Variants in AKT3 observed in about 807,000 individuals in gnomAD.
AKT3 encodes the protein AKT serine/threonine kinase 3, also known as RAC-gamma serine/threonine-protein kinase.
In AKT3, 15 loss-of-function variants were observed where a neutral mutation model predicts 65.3. That is an observed-to-expected ratio of 0.23 (90% CI 0.15 to 0.35). The LOEUF is 0.35. Among genes scored for constraint, AKT3 ranks in the 10% least tolerant of loss-of-function variants. The pLI is 1.00. For missense variants in AKT3, 243 were observed against 576.5 expected (o/e 0.42, Z 5.92); for synonymous variants, 206 against 183.8 (o/e 1.12, Z -0.98).
Position 243,613,670 on chromosome 1 carries a change from C to A in AKT3, c.696+1G>T. 6.3e-7 allele frequency: 1 copy of A among 1,590,472 alleles called. No homozygotes were observed. The highest frequency in any genetic ancestry group is 1.2e-5 in the South Asian group (1 of 86,200). ...AATACTGGATTTACTTCTTGACTCA[C>A]CTCGCCCCCATTAACATATTCCATC... On this transcript the variant is annotated splice_donor_variant, in intron 8 of 13. Coordinates refer to ENST00000673466, the MANE Select transcript of AKT3 (RefSeq NM_005465.7). LOFTEE classifies it high-confidence loss of function.
chr1:243,805,512 T>C (rs920772144), intron 2 of AKT3, among the ~76,000 whole-genome samples: 1 of 152,232 alleles, frequency 6.6e-6, no homozygotes, highest in African/African-American at 2.4e-5. Context: ...ATGGTTTAAA[T>C]CTGGTATTTA....
chr1:243,497,202 T>G (rs1668149207), downstream of AKT3, among the ~76,000 whole-genome samples: 1 of 152,094 alleles, frequency 6.6e-6, no homozygotes, highest in African/African-American at 2.4e-5. Flanking sequence ...GGCTTCTGTC[T>G]CGGTCAGAGA....
At chr1:243,681,538 C>T (rs1218281648) in intron 3 of AKT3, among the ~76,000 whole-genome samples, 1 of 152,114 alleles carries the variant, frequency 6.6e-6, no homozygotes, top group Non-Finnish European at 1.5e-5. Context: ...TATATTTGTT[C>T]CTTTGCTCTA....
At chr1:243,508,265 C>T (rs960694229) in intron 13 of AKT3, among the ~76,000 whole-genome samples, 4 of 152,188 alleles carry the variant, frequency 2.6e-5, no homozygotes, top group African/African-American at 9.7e-5. Flanking sequence ...GCCCCGTTGC[C>T]CTAGAAGAAC....
intron 3 of AKT3, among the ~76,000 whole-genome samples, chr1:243,693,035 T>G (rs918941569): frequency 2.6e-4 from 40 of 151,146 alleles, no homozygotes; most frequent in Middle Eastern, 6.9e-3. Flanking sequence ...TTTTGAAAAA[T>G]TTAAATCAGG....
chr1:243,814,051 T>C (rs866711642), intron 2 of AKT3, among the ~76,000 whole-genome samples: 1 of 152,168 alleles, frequency 6.6e-6, no homozygotes, highest in South Asian at 2.1e-4. Flanking sequence ...CACCAAGCTT[T>C]GATCCACTCC....
chr1:243,572,753 A>G (rs981319745), intron 9 of AKT3, among the ~76,000 whole-genome samples, 173 bp downstream of exon 9: 2 of 152,200 alleles, frequency 1.3e-5, no homozygotes, highest in Non-Finnish European at 2.9e-5. Context: ...TCAACTACAT[A>G]CATGTTAGTG....
intron 2 of AKT3, among the ~76,000 whole-genome samples, chr1:243,841,837 TA>T (rs150252760): frequency 1.3e-4 from 19 of 150,118 alleles, no homozygotes; most frequent in Admixed American, 3.3e-4. Context: ...TACTCAACCA[TA>T]AAAAAAAAGC....
intron 1 of AKT3, among the ~76,000 whole-genome samples, chr1:243,847,254 G>C (rs1029189381): frequency 6.6e-6 from 1 of 152,110 alleles, no homozygotes; most frequent in African/African-American, 2.4e-5. Context: ...CTTGCATTTT[G>C]TTGCTCAAAT....
intron 12 of AKT3, among the ~76,000 whole-genome samples, chr1:243,534,720 T>C (rs567526965): frequency 6.6e-6 from 1 of 152,290 alleles, no homozygotes; most frequent in African/African-American, 2.4e-5. Context: ...CCAAAATACC[T>C]GTAGACTAAA....
At chr1:243,731,781 G>A (rs1396803057) in intron 2 of AKT3, among the ~76,000 whole-genome samples, 1 of 152,096 alleles carries the variant, frequency 6.6e-6, no homozygotes, top group Non-Finnish European at 1.5e-5. Flanking sequence ...GTGCAACCAT[G>A]GACCAATGTA....
chr1:243,608,477 G>A (rs890795526), intron 8 of AKT3, among the ~76,000 whole-genome samples: 2 of 152,004 alleles, frequency 1.3e-5, no homozygotes, highest in African/African-American at 2.4e-5. Flanking sequence ...CTCATCTTAG[G>A]GCAAAAACTT....
chr1:243,583,301 C>T (rs994824692), intron 8 of AKT3, among the ~76,000 whole-genome samples: 1 of 149,214 alleles, frequency 6.7e-6, no homozygotes, highest in Non-Finnish European at 1.5e-5. Context: ...ACTAGATCTA[C>T]AAAAAGACAT....
At chr1:243,791,316 A>C (rs1016709810) in intron 2 of AKT3, among the ~76,000 whole-genome samples, 1 of 151,852 alleles carries the variant, frequency 6.6e-6, no homozygotes. Context: ...TATTTTTGAC[A>C]CACAGTTGAT....
At chr1:243,607,525 ACC>A (rs1402632750) in intron 8 of AKT3, among the ~76,000 whole-genome samples, 1 of 152,082 alleles carries the variant, frequency 6.6e-6, no homozygotes, top group African/African-American at 2.4e-5. Context: ...CAATGCCTGT[ACC>A]CCCATTGTAT....
intron 2 of AKT3, among the ~76,000 whole-genome samples, chr1:243,699,465 C>CCATATATATATATATA (rs1389882625): frequency 9.7e-5 from 10 of 103,612 alleles, no homozygotes; most frequent in African/African-American, 4.4e-4. Flanking sequence ...ACCTCTTCCA[C>CCATATATATATATATA]TATATATATA....
At chr1:243,513,138 G>T (rs926463577) in intron 12 of AKT3, among the ~76,000 whole-genome samples, 1 of 152,190 alleles carries the variant, frequency 6.6e-6, no homozygotes, top group Non-Finnish European at 1.5e-5. Context: ...AGGGAAGGTG[G>T]GGGTGGAAGG....
rs1285426355 is a variant in AKT3, at chr1:243,543,337, T to C, written c.1251+2173A>G. Among the ~76,000 whole-genome samples, 89 of 152,182 alleles carry C rather than the reference T, an allele frequency of 5.8e-4. 1 individual carries two copies. The highest frequency in any genetic ancestry group is 5.9e-5 in the Non-Finnish European group (4 of 68,026). On this transcript the variant is annotated intron_variant, in intron 12 of 13. Coordinates refer to ENST00000673466, the MANE Select transcript of AKT3 (RefSeq NM_005465.7). The stretch of plus-strand genomic sequence containing the variant: ...GCTGAACACTGAGATAAGGAAACGT[T>C]GTAGCAAATCTTATTTCCTCACAGG...
At chr1:243,497,180 G>C (rs2148315117), downstream of AKT3, among the ~76,000 whole-genome samples, 1 of 152,272 alleles carries the variant, frequency 6.6e-6, no homozygotes, top group South Asian at 2.1e-4. Context: ...GCCAGATGTG[G>C]GCAGTAACTA....
Sources: allele counts gnomAD v4.1 joint callset (sites outside exome capture counted in the v4.1 genomes callset), GRCh38; gene constraint gnomAD v4.1.1; transcripts MANE v1.5; gene names NCBI Gene and HGNC (gene_info 2026-07-23, HGNC 2026-07-21).